The following CD6 variants were observed in gnomAD, a reference collection of about 807,000 sequenced individuals.
CD6 encodes CD6 molecule.
A neutral mutation model predicts 75.3 loss-of-function variants in CD6; 53 were observed. The observed-to-expected ratio is 0.70, with a 90% CI of 0.56 to 0.88. The LOEUF (loss-of-function observed/expected upper bound fraction) is 0.88, where lower values mean the gene tolerates loss of function less well. Ranked by LOEUF, CD6 falls within the 40% of genes least tolerant of loss-of-function variation. The pLI, the probability that CD6 is intolerant of heterozygous loss-of-function variation, is 0.00. For synonymous variants in CD6, 359 were observed against 381.5 expected, an observed-to-expected ratio of 0.94 and a Z score of 0.69; for missense variants, 770 against 897.1, an observed-to-expected ratio of 0.86 and a Z score of 1.81.
intron 1 of CD6, among the ~76,000 whole-genome samples, chr11:60,988,731 C>G (rs796745718): frequency 3.9e-5 from 6 of 152,302 alleles, no homozygotes; most frequent in African/African-American, 1.4e-4. Context: ...TTAGGCCACC[C>G]TGGAAAGGTC....
At chr11:60,988,228 G>A (rs1199373917) in intron 1 of CD6, among the ~76,000 whole-genome samples, 2 of 152,152 alleles carry the variant, frequency 1.3e-5, no homozygotes, top group Admixed American at 6.5e-5. Context: ...TGAATAAGAC[G>A]GTGCGTGCTG....
At chr11:60,982,068 C>CGGG (rs11319097) in intron 1 of CD6, among the ~76,000 whole-genome samples, 18 of 67,690 alleles carry the variant, frequency 2.7e-4, no homozygotes, top group Non-Finnish European at 3.6e-4. Context: ...GCCAGGGTGG[C>CGGG]GGGGGGGGGG....
chr11:60,999,973 A>G (rs1858504326), intron 1 of CD6, among the ~76,000 whole-genome samples: 1 of 152,108 alleles, frequency 6.6e-6, no homozygotes, highest in South Asian at 2.1e-4. Flanking sequence ...AATCGCTTGA[A>G]TCAGGAGGGT....
rs776471530 is a variant in CD6, at chr11:61,017,432, G to C, written c.1511-47G>C. The C allele has an allele frequency of 2.0e-5, 29 of 1,439,730 alleles. No individual in the cohort carries two copies. The South Asian group carries it at 2.4e-4, about 12-fold the overall frequency. The allele number at this position is 1,439,730 out of a possible 1,614,324, so 89.2% of individuals were successfully genotyped here. Reference sequence around the variant, plus strand: ...CAGCCTCTTCTCCAGGCTCCTAAATGATGAGGTTGAGCCTTCACCCCTCCC... The same window carrying C: ...CAGCCTCTTCTCCAGGCTCCTAAATCATGAGGTTGAGCCTTCACCCCTCCC... On this transcript the variant is annotated intron_variant, in intron 9 of 12. Transcript: ENST00000313421.
Position 60,994,457 on chromosome 11 carries a change from C to CAAAAAAA in CD6, c.50-12109_50-12103dup, listed in dbSNP as rs61349237. Reference sequence around the variant, plus strand: ...CTCATCCCCTCCCCAACACCCCCGCCAAAAAAAAAAAAAAGCTGAATTTCT... The same window carrying CAAAAAAA: ...CTCATCCCCTCCCCAACACCCCCGCCAAAAAAAAAAAAAAAAAAAAAGCTGAATTTCT... On this transcript the variant is annotated intron_variant, in intron 1 of 12. Transcript: ENST00000313421. 2.6e-4 allele frequency among the ~76,000 whole-genome samples: 14 copies of CAAAAAAA among 52,964 alleles called. 2 individuals are homozygous for CAAAAAAA. Among genetic ancestry groups the CAAAAAAA allele is most frequent in the East Asian group, 2.6e-3 (4 of 1,522 alleles). 34.7% of individuals were successfully genotyped at this position (52,964 alleles called of 152,430 possible).
chr11:60,999,844 C>T (rs938265913), intron 1 of CD6, among the ~76,000 whole-genome samples: 4 of 151,800 alleles, frequency 2.6e-5, no homozygotes, highest in African/African-American at 4.8e-5. Flanking sequence ...GCCAGGCGTT[C>T]GAGATCAGCA....
Position 60,980,843 on chromosome 11 carries a change from A to ATAAT in CD6, c.49+8945_49+8948dup, listed in dbSNP as rs1330906148. ...CAACAGAGTGAGACTCTGTTTCAAA[A>ATAAT]TAATTAATTAATTAATTAAATTGAA... On this transcript the variant is annotated intron_variant, in intron 1 of 12. Transcript: ENST00000313421. Among the ~76,000 whole-genome samples, 348 of 152,246 alleles carry ATAAT rather than the reference A, an allele frequency of 2.3e-3. 1 individual carries two copies. The highest frequency in any genetic ancestry group is 7.3e-3 in the African/African-American group (305 of 41,546).
chr11:61,011,411 CA>C (rs150601725), intron 6 of CD6, among the ~76,000 whole-genome samples: 12,909 of 151,848 alleles, frequency 0.085, 601 homozygotes, highest in Middle Eastern at 0.12. Flanking sequence ...TGCTGGAGGG[CA>C]GAAGGAAAGA....
In CD6 at chr11:61,006,417, G is replaced by A. The variant is rs116895811; in HGVS notation, c.50-157G>A. Among the ~76,000 whole-genome samples, 14 of 152,294 alleles carry A rather than the reference G, an allele frequency of 9.2e-5. No homozygotes were observed. The East Asian group carries it at 2.3e-3, about 25-fold the overall frequency. On this transcript the variant is annotated intron_variant, in intron 1 of 12. Coordinates refer to ENST00000313421, the MANE Select transcript of CD6 (RefSeq NM_006725.5). Reference sequence around the variant, plus strand: ...GTTTGAGAACTTTCCCTACCTTGAAGGGAGGCCAATGCACCCAAAGTTGAG... The same window carrying A: ...GTTTGAGAACTTTCCCTACCTTGAAAGGAGGCCAATGCACCCAAAGTTGAG...
Position 61,008,519 on chromosome 11 carries a change from C to T in CD6, c.470-15C>T, listed in dbSNP as rs1858985351. ...GTCGGGTGCCCCAGCATCCACAACCCCCTCCCACCCCTAGAGAACCGCGCG... is the reference window on the plus strand; with the variant it reads ...GTCGGGTGCCCCAGCATCCACAACCTCCTCCCACCCCTAGAGAACCGCGCG... On this transcript the variant is annotated splice_polypyrimidine_tract_variant and intron_variant, in intron 3 of 12. Coordinates refer to ENST00000313421, the MANE Select transcript of CD6 (RefSeq NM_006725.5). 5 of 1,569,950 alleles carry T rather than the reference C, an allele frequency of 3.2e-6. No individual in the cohort carries two copies. The highest frequency in any genetic ancestry group is 4.3e-6 in the Non-Finnish European group (5 of 1,156,502).
Position 61,017,837 on chromosome 11 carries a change from C to T in CD6, c.1661C>T (p.Pro554Leu), listed in dbSNP as rs748289706. ...ATTACAGACCCGCCATCCCTGGGCC[C>T]TCAGTATCACCCGAGGAGCAACAGT... ...HCITDPPSLG[P>L]QYHPRSNSES... The change falls in exon 11 of 13, where the codon CCT becomes CTT. Residue 554 changes from proline to leucine, a missense_variant. Physicochemically the swap from Pro to Leu is moderately conservative, Grantham distance 98. Coordinates refer to ENST00000313421, the MANE Select transcript of CD6 (RefSeq NM_006725.5). 1 of 1,614,136 alleles carries T rather than the reference C, an allele frequency of 6.2e-7. No homozygotes were observed. The highest frequency in any genetic ancestry group is 8.5e-7 in the Non-Finnish European group (1 of 1,180,014).
intron 1 of CD6, chr11:60,982,489 C>G: frequency 2.3e-6 from 1 of 435,998 alleles, no homozygotes; most frequent in South Asian, 1.6e-5. Flanking sequence ...TCACCTCTTT[C>G]AGGAGGGGTG....
intron 1 of CD6, among the ~76,000 whole-genome samples, chr11:60,986,296 T>C (rs75307228): frequency 0.023 from 3,489 of 152,298 alleles, 53 homozygotes; most frequent in Non-Finnish European, 0.034. Flanking sequence ...CTGTGGAGCG[T>C]CATGGGCCTT....
At chr11:60,991,095 G>A (rs745408979) in intron 1 of CD6, among the ~76,000 whole-genome samples, 37 of 150,308 alleles carry the variant, frequency 2.5e-4, no homozygotes, top group Non-Finnish European at 2.2e-4. Context: ...AATCTATGAG[G>A]TATCATCAGC....
At position 61,019,442 on chromosome 11, in the gene CD6, G is replaced by A. The variant is rs1405183281; in HGVS notation, c.*124G>A. On this transcript the variant is annotated 3_prime_UTR_variant, in exon 13 of 13. Transcript: ENST00000313421. The stretch of plus-strand genomic sequence containing the variant: ...ATGGAGCTGAGAGGCCTCCCTTGGA[G>A]AGATGGAAGGAAACGTTATACCTTG... 11 of 686,150 alleles carry A rather than the reference G, an allele frequency of 1.6e-5. No homozygotes were observed. The highest frequency in any genetic ancestry group is 2.4e-5 in the Non-Finnish European group (10 of 419,048). The allele number at this position is 686,150 out of a possible 1,614,324, so 42.5% of individuals were successfully genotyped here.
rs140597355 is a variant in CD6 at position 61,008,603 on chromosome 11, G to A, written c.539G>A (p.Gly180Asp). ...CAGRVEMLEH[G>D]EWGSVCDDTW... ...GGCCGCGTGGAGATGCTGGAGCATG[G>A]CGAGTGGGGATCAGTGTGCGATGAC... The change falls in exon 4 of 13, where the codon GGC (glycine) becomes GAC (aspartate). Residue 180 changes from glycine to aspartate, a missense_variant. Gly to Asp is a moderately conservative substitution (Grantham distance 94). Transcript: ENST00000313421. The A allele has an allele frequency of 1.2e-5, 19 of 1,608,286 alleles. No individual in the cohort carries two copies. Among genetic ancestry groups the A allele is most frequent in the Middle Eastern group, 1.6e-4 (1 of 6,076 alleles).
At chr11:61,006,549 C>T in intron 1 of CD6, 25 bp from the exon 2 acceptor site, 2 of 1,570,234 alleles carry the variant, frequency 1.3e-6, no homozygotes, top group Non-Finnish European at 8.6e-7. Context: ...CACTCACCCA[C>T]CATGCTGCTG....
chr11:61,010,981 T>A (rs1036203128), intron 5 of CD6, 89 bp from the exon 6 acceptor site: 58 of 1,203,186 alleles, frequency 4.8e-5, no homozygotes, highest in Non-Finnish European at 5.6e-5. Context: ...GGGTCACTTG[T>A]CTGTCCCATT....
intron 1 of CD6, among the ~76,000 whole-genome samples, chr11:61,004,195 G>A (rs1318169320): frequency 6.6e-6 from 1 of 152,022 alleles, no homozygotes; most frequent in Non-Finnish European, 1.5e-5. Context: ...CACACACACA[G>A]TCGTAATCAC....
Sources: allele counts gnomAD v4.1 joint callset (sites outside exome capture counted in the v4.1 genomes callset), GRCh38; gene constraint gnomAD v4.1.1; transcripts MANE v1.5; gene names NCBI Gene and HGNC (gene_info 2026-07-23, HGNC 2026-07-21).